NKAIN2: variants seen among roughly 807,000 people sequenced by gnomAD.
NKAIN2 encodes sodium/potassium-transporting ATPase subunit beta-1-interacting protein 2.
In NKAIN2, 14 loss-of-function variants were observed where a neutral mutation model predicts 32.6. The ratio of observed to expected loss-of-function variants is 0.43; its 90% confidence interval spans 0.28 to 0.67. The LOEUF is 0.67. Among genes scored for constraint, NKAIN2 ranks in the 30% least tolerant of loss-of-function variants. The pLI is 0.17. For missense variants in NKAIN2, 198 were observed against 258.3 expected (o/e 0.77, Z 1.60); for synonymous variants, 80 against 87.2 (o/e 0.92, Z 0.46).
chr6:123,804,196 A>G lies in NKAIN2; in HGVS notation c.-5A>G. ...AGTCTGGCTGTGGCAGGGGTCTCGG[A>G]AACCATGGGTTATTGCAGTGGCAGG... On this transcript the variant is annotated 5_prime_UTR_variant, in exon 1 of 7. Transcript: ENST00000368417. 1 of 1,613,904 alleles carries G rather than the reference A, an allele frequency of 6.2e-7. No individual in the cohort carries two copies.
intron 4 of NKAIN2, among the ~76,000 whole-genome samples, chr6:124,677,824 C>G (rs1254417122): frequency 6.6e-6 from 1 of 151,944 alleles, no homozygotes; most frequent in Admixed American, 6.6e-5. Flanking sequence ...TTTTCATATG[C>G]TTTTGTGTTG....
chr6:123,989,962 G>A (rs1051340741), intron 1 of NKAIN2, among the ~76,000 whole-genome samples: 2 of 152,176 alleles, frequency 1.3e-5, no homozygotes, highest in African/African-American at 4.8e-5. Context: ...AATTTTTAAA[G>A]GAAAGAGATT....
chr6:124,415,301 A>G (rs576712412), intron 3 of NKAIN2, among the ~76,000 whole-genome samples: 1 of 152,304 alleles, frequency 6.6e-6, no homozygotes, highest in Admixed American at 6.5e-5. Flanking sequence ...GAAGTTGACT[A>G]ATTTTCTAGA....
At chr6:123,951,222 T>C (rs12207252) in intron 1 of NKAIN2, among the ~76,000 whole-genome samples, 34,348 of 151,956 alleles carry the variant, frequency 0.23, 4,370 homozygotes, top group South Asian at 0.37. Flanking sequence ...ATGAGAAAAA[T>C]GTGTGTTCTG....
At chr6:124,198,703 G>T (rs1366053052) in intron 1 of NKAIN2, among the ~76,000 whole-genome samples, 1 of 151,962 alleles carries the variant, frequency 6.6e-6, no homozygotes, top group Non-Finnish European at 1.5e-5. Flanking sequence ...TATTTTGTGT[G>T]TGTTCCCCAC....
intron 1 of NKAIN2, among the ~76,000 whole-genome samples, chr6:123,815,641 C>A (rs1386126001): frequency 1.3e-5 from 2 of 152,008 alleles, no homozygotes; most frequent in African/African-American, 4.8e-5. Context: ...TAGATGAAAA[C>A]CCCTAGTATA....
intron 1 of NKAIN2, among the ~76,000 whole-genome samples, chr6:124,065,538 T>G (rs1338081331): frequency 6.6e-6 from 1 of 152,176 alleles, no homozygotes; most frequent in Non-Finnish European, 1.5e-5. Context: ...CTCTCTGCCA[T>G]GTGAGAACAC....
In NKAIN2 at chr6:124,178,045, AGTG is replaced by A. The variant is rs1201731405; in HGVS notation, c.55-104959_55-104957del. Among the ~76,000 whole-genome samples, 6 of 133,112 alleles carry A rather than the reference AGTG, an allele frequency of 4.5e-5. 3 individuals are homozygous for A. The highest frequency in any genetic ancestry group is 6.4e-5 in the Non-Finnish European group (4 of 62,522). 87.3% of individuals were successfully genotyped at this position (133,112 alleles called of 152,430 possible). ...TGATCCGCCCGCCTCGGCCTCCCAA[AGTG>A]CTGGGATTACAGGCGTGAGCCACCG... On this transcript the variant is annotated intron_variant, in intron 1 of 6. Coordinates refer to ENST00000368417, the MANE Select transcript of NKAIN2 (RefSeq NM_001040214.3).
intron 3 of NKAIN2, among the ~76,000 whole-genome samples, chr6:124,384,975 A>T (rs1772828170): frequency 1.3e-5 from 2 of 152,152 alleles, no homozygotes; most frequent in African/African-American, 4.8e-5. Context: ...CTTGCTTTCT[A>T]ACTATAAGCC....
chr6:124,380,484 A>G (rs1204639851), intron 3 of NKAIN2, among the ~76,000 whole-genome samples: 1 of 152,190 alleles, frequency 6.6e-6, no homozygotes, highest in East Asian at 1.9e-4. Context: ...TGAGTGTGCC[A>G]TCCAGGATCT....
chr6:124,724,020 G>T (rs1776153096), intron 4 of NKAIN2, among the ~76,000 whole-genome samples: 3 of 152,136 alleles, frequency 2.0e-5, no homozygotes, highest in Admixed American at 1.3e-4. Flanking sequence ...TGCATCTGCA[G>T]GTTTAAAGCA....
chr6:124,453,322 A>AACACACACACACACACAC lies in NKAIN2; in HGVS notation c.273+98005_273+98022dup, dbSNP rs766482280. The stretch of plus-strand genomic sequence containing the variant: ...TTTCTCCCCCTCATACATGCATATA[A>AACACACACACACACACAC]ACACACACACACACACACACACACA... On this transcript the variant is annotated intron_variant, in intron 3 of 6. Coordinates refer to ENST00000368417, the MANE Select transcript of NKAIN2 (RefSeq NM_001040214.3). 3.4e-3 allele frequency among the ~76,000 whole-genome samples: 218 copies of AACACACACACACACACAC among 63,914 alleles called. 11 individuals are homozygous for AACACACACACACACACAC. Among genetic ancestry groups the AACACACACACACACACAC allele is most frequent in the African/African-American group, 0.01 (200 of 19,470 alleles). The allele number at this position is 63,914 out of a possible 152,430, so 41.9% of individuals were successfully genotyped here.
intron 3 of NKAIN2, among the ~76,000 whole-genome samples, chr6:124,383,520 C>A (rs1305976802): frequency 6.6e-6 from 1 of 152,152 alleles, no homozygotes; most frequent in Admixed American, 6.6e-5. Context: ...TGAACCTATA[C>A]CCCTGACACA....
intron 1 of NKAIN2, among the ~76,000 whole-genome samples, chr6:123,920,196 G>C (rs745394513): frequency 6.6e-6 from 1 of 152,050 alleles, no homozygotes; most frequent in African/African-American, 2.4e-5. Flanking sequence ...GTTTGTTCTT[G>C]CAAAGTGGTT....
rs1049518525 is a variant in NKAIN2, at chr6:124,572,591, A to G, written c.274-85595A>G. 3.3e-5 allele frequency among the ~76,000 whole-genome samples: 5 copies of G among 152,200 alleles called. No individual in the cohort carries two copies. The South Asian group carries it at 1.0e-3, about 32-fold the overall frequency. On this transcript the variant is annotated intron_variant, in intron 3 of 6. Transcript: ENST00000368417. Reference sequence around the variant, plus strand: ...GACAAGGGTGGCGCACACAAAAAAGAGAAGCTGCCTATCATATGAATAGTC... The same window carrying G: ...GACAAGGGTGGCGCACACAAAAAAGGGAAGCTGCCTATCATATGAATAGTC...
At chr6:123,968,903 C>G (rs1473311949) in intron 1 of NKAIN2, among the ~76,000 whole-genome samples, 1 of 152,162 alleles carries the variant, frequency 6.6e-6, no homozygotes, top group East Asian at 1.9e-4. Context: ...AAGTGTGGAG[C>G]ACCTTGCTGT....
chr6:124,684,261 A>G (rs1282112631), intron 4 of NKAIN2, among the ~76,000 whole-genome samples: 1 of 152,192 alleles, frequency 6.6e-6, no homozygotes, highest in Non-Finnish European at 1.5e-5. Context: ...ACATAACAGC[A>G]GTTAACAGCC....
At chr6:124,816,448 A>G (rs902869733) in intron 5 of NKAIN2, among the ~76,000 whole-genome samples, 9 of 152,200 alleles carry the variant, frequency 5.9e-5, no homozygotes, top group Admixed American at 1.3e-4. Flanking sequence ...TGATGTGTCA[A>G]TGTAGGTTCA....
chr6:124,737,587 A>T, intron 4 of NKAIN2, among the ~76,000 whole-genome samples: 1 of 151,880 alleles, frequency 6.6e-6, no homozygotes, highest in Non-Finnish European at 1.5e-5. Context: ...CAGAGGTTGG[A>T]ACAATTTGGA....
Sources: allele counts gnomAD v4.1 joint callset (sites outside exome capture counted in the v4.1 genomes callset), GRCh38; gene constraint gnomAD v4.1.1; transcripts MANE v1.5; gene names NCBI Gene and HGNC (gene_info 2026-07-23, HGNC 2026-07-21).